Variants in TBC1D23 observed in about 807,000 individuals in gnomAD.
TBC1D23 encodes the protein TBC1 domain family member 23.
Under a neutral mutation model 91.4 loss-of-function variants are expected in TBC1D23, and 55 were observed. That is an observed-to-expected ratio of 0.60 (90% CI 0.48 to 0.75). The LOEUF (loss-of-function observed/expected upper bound fraction) is 0.75. Ranked by LOEUF, TBC1D23 falls within the 30% of genes least tolerant of loss-of-function variation. The probability of loss-of-function intolerance (pLI) is 0.00; values close to 1 mark genes in which losing one functional copy is unlikely to be tolerated. For missense variants in TBC1D23, 725 were observed against 836.1 expected, an observed-to-expected ratio of 0.87 and a Z score of 1.64; for synonymous variants, 289 against 281.0, an observed-to-expected ratio of 1.03 and a Z score of -0.28.
intron 1 of TBC1D23, among the ~76,000 whole-genome samples, chr3:100,266,818 T>A (rs1047017430): frequency 2.0e-5 from 3 of 152,242 alleles, no homozygotes; most frequent in Non-Finnish European, 4.4e-5. Flanking sequence ...AGGAGTCTTC[T>A]GGAGAGAATT....
At chr3:100,278,771 CAAATG>C (rs1238622974) in intron 1 of TBC1D23, among the ~76,000 whole-genome samples, 1 of 152,184 alleles carries the variant, frequency 6.6e-6, no homozygotes, top group Non-Finnish European at 1.5e-5. Flanking sequence ...TTACCTTATA[CAAATG>C]AAATTAAATT....
chr3:100,295,017 G>C, intron 5 of TBC1D23, 70 bp from the exon 6 acceptor site: 2 of 1,390,676 alleles, frequency 1.4e-6, no homozygotes, highest in Non-Finnish European at 1.9e-6. Flanking sequence ...TTATTCATTT[G>C]CTTTAATACT....
At chr3:100,299,499 C>G (rs1345155721) in intron 10 of TBC1D23, among the ~76,000 whole-genome samples, 168 bp downstream of exon 10, 1 of 151,962 alleles carries the variant, frequency 6.6e-6, no homozygotes, top group Admixed American at 6.6e-5. Context: ...ACCCAAATAC[C>G]CTTTTGTGTT....
At chr3:100,268,787 A>T (rs1217638948) in intron 1 of TBC1D23, among the ~76,000 whole-genome samples, 1 of 152,216 alleles carries the variant, frequency 6.6e-6, no homozygotes, top group Non-Finnish European at 1.5e-5. Context: ...TATAGAAGGG[A>T]ACAGTGTTGA....
At chr3:100,314,070 T>G (rs985038569) in intron 15 of TBC1D23, among the ~76,000 whole-genome samples, 1 of 147,680 alleles carries the variant, frequency 6.8e-6, no homozygotes, top group Non-Finnish European at 1.5e-5. Flanking sequence ...AAGAAGTAAA[T>G]CAACAAAATT....
chr3:100,285,862 T>C lies in TBC1D23; in HGVS notation c.476+2051T>C, dbSNP rs1323596267. Among the ~76,000 whole-genome samples, 3 of 152,216 alleles carry C rather than the reference T, an allele frequency of 2.0e-5. No homozygotes were observed. The East Asian group carries it at 5.8e-4, about 29-fold the overall frequency. On this transcript the variant is annotated intron_variant, in intron 4 of 18. Coordinates refer to ENST00000394144, the MANE Select transcript of TBC1D23 (RefSeq NM_001199198.3). ...TGTGTTTATTGGCAATTTATATTTC[T>C]TCTTTGGAGAAATGACTCTTTACCC... is the stretch of plus-strand genomic sequence containing the variant.
At chr3:100,281,891 T>TTTGGA in intron 3 of TBC1D23, 44 bp downstream of exon 3, 1 of 1,302,090 alleles carries the variant, frequency 7.7e-7, no homozygotes, top group Non-Finnish European at 1.1e-6. Context: ...ATTTTGGAAA[T>TTTGGA]AATTTTTGGG....
chr3:100,316,302 T>C, intron 16 of TBC1D23, 115 bp downstream of exon 16: 1 of 743,880 alleles, frequency 1.3e-6, no homozygotes, highest in Non-Finnish European at 2.3e-6. Context: ...TCTGTAGAAA[T>C]AATTGGAGAA....
rs773441630 is a variant in TBC1D23, at chr3:100,261,064, G to C, written c.46G>C (p.Asp16His). ...GCCGCCGCTGCCAACGTCGAGCGGC[G>C]ACGGCTGGTGAGTGAAAGCCGGGGC... Reference protein sequence around the residue: ...DVPPLPTSSGDGWEKDLEEAL... With the variant: ...DVPPLPTSSGHGWEKDLEEAL... Residue 16 changes from aspartate (D) to histidine (H), a missense_variant, in exon 1 of 19, where the codon GAC (aspartate) becomes CAC (histidine). Coordinates refer to ENST00000394144, the MANE Select transcript of TBC1D23 (RefSeq NM_001199198.3). The C allele has an allele frequency of 6.2e-7, 1 of 1,613,772 alleles. No homozygotes were observed. The highest frequency in any genetic ancestry group is 1.3e-5 in the African/African-American group (1 of 75,072).
At chr3:100,265,060 A>G (rs2067546957) in intron 1 of TBC1D23, among the ~76,000 whole-genome samples, 1 of 152,216 alleles carries the variant, frequency 6.6e-6, no homozygotes, top group East Asian at 1.9e-4. Context: ...GAATTTGTAT[A>G]TGTCACATTG....
intron 12 of TBC1D23, 97 bp from the exon 13 acceptor site, chr3:100,306,340 C>T: frequency 1.5e-6 from 1 of 676,590 alleles, no homozygotes; most frequent in Non-Finnish European, 2.5e-6. Context: ...GTCCTTTTTT[C>T]TCAGCTGTGA....
intron 1 of TBC1D23, among the ~76,000 whole-genome samples, chr3:100,268,061 A>G (rs1233230084): frequency 6.6e-6 from 1 of 152,102 alleles, no homozygotes; most frequent in East Asian, 1.9e-4. Context: ...AGTCCCAGCT[A>G]CTTGGGAGGT....
intron 1 of TBC1D23, among the ~76,000 whole-genome samples, chr3:100,271,799 A>T (rs1202031744): frequency 6.6e-6 from 1 of 152,218 alleles, no homozygotes; most frequent in Non-Finnish European, 1.5e-5. Context: ...CAAGAAGCCC[A>T]CATTGAGTAG....
At chr3:100,267,730 A>C (rs1286587654) in intron 1 of TBC1D23, among the ~76,000 whole-genome samples, 1 of 152,146 alleles carries the variant, frequency 6.6e-6, no homozygotes, top group Non-Finnish European at 1.5e-5. Context: ...CAGATTTTGG[A>C]GCATTTCGGA....
At position 100,310,275 on chromosome 3, in the gene TBC1D23, G is replaced by A. The variant is rs185908485; in HGVS notation, c.1414-128G>A. 472 of 783,336 alleles carry A rather than the reference G, an allele frequency of 6.0e-4. 1 individual carries two copies. The highest frequency in any genetic ancestry group is 8.2e-4 in the Non-Finnish European group (398 of 484,408). The allele number at this position is 783,336 out of a possible 1,614,324, so 48.5% of individuals were successfully genotyped here. On this transcript the variant is annotated intron_variant, in intron 13 of 18. Transcript: ENST00000394144. Reference sequence around the variant, plus strand: ...ATACAGTCACATTCTGAGATATACTGGGAGTTAGGACTTCAACATATGATT... The same window carrying A: ...ATACAGTCACATTCTGAGATATACTAGGAGTTAGGACTTCAACATATGATT...
chr3:100,288,754 A>C (rs2067764890), intron 4 of TBC1D23, among the ~76,000 whole-genome samples: 1 of 152,168 alleles, frequency 6.6e-6, no homozygotes, highest in Non-Finnish European at 1.5e-5. Flanking sequence ...ACAAAAGCTG[A>C]ATGGAGTAAA....
At chr3:100,322,300 A>G (rs1705873398) in intron 18 of TBC1D23, among the ~76,000 whole-genome samples, 1 of 152,070 alleles carries the variant, frequency 6.6e-6, no homozygotes, top group Non-Finnish European at 1.5e-5. Context: ...TCACCGTGTT[A>G]GCCAGGATGG....
chr3:100,300,540 C>T lies in TBC1D23; in HGVS notation c.1092+1209C>T, dbSNP rs1302235460. On this transcript the variant is annotated intron_variant, in intron 10 of 18. Coordinates refer to ENST00000394144, the MANE Select transcript of TBC1D23 (RefSeq NM_001199198.3). ...TTTTGAGACAGAGTTTCTACTCTGC[C>T]ACTCAGGCTGGAGTACAGTGTTATG... Among the ~76,000 whole-genome samples the T allele has an allele frequency of 2.0e-5, 3 of 148,304 alleles. No individual in the cohort carries two copies. The Admixed American group carries it at 2.0e-4, about 10-fold the overall frequency.
chr3:100,323,430 G>A (rs1270956017), intron 18 of TBC1D23, among the ~76,000 whole-genome samples, 157 bp from the exon 19 acceptor site: 5 of 152,102 alleles, frequency 3.3e-5, no homozygotes, highest in Non-Finnish European at 7.3e-5. Context: ...AGCTATGGGA[G>A]TACATAGGAG....
Sources: gnomAD v4.1 joint callset for allele counts (sites outside exome capture counted in the v4.1 genomes callset) on GRCh38, gnomAD v4.1.1 for gene constraint, MANE v1.5 for transcripts, NCBI Gene and HGNC (gene_info 2026-07-23, HGNC 2026-07-21) for gene names.